TSC1: variants seen among roughly 807,000 people sequenced by gnomAD.
The protein encoded by TSC1 is hamartin.
In TSC1, 20 loss-of-function variants were observed where a neutral mutation model predicts 124.3. That is an observed-to-expected ratio of 0.16 (90% CI 0.11 to 0.23). The LOEUF (loss-of-function observed/expected upper bound fraction) is 0.23. TSC1 is among the 10% of genes least tolerant of loss of function. The pLI is 1.00. For missense variants in TSC1, 1,124 were observed against 1,448.5 expected, an observed-to-expected ratio of 0.78 and a Z score of 3.64; for synonymous variants, 493 against 539.1, an observed-to-expected ratio of 0.91 and a Z score of 1.19.
intron 19 of TSC1, 78 bp downstream of exon 19, chr9:132,901,511 A>G: frequency 1.5e-6 from 2 of 1,331,280 alleles, no homozygotes; most frequent in African/African-American, 1.4e-5. Flanking sequence ...CAAGTAATCT[A>G]TTTCTTTAAC....
chr9:132,914,703 C>CAA (rs11334240), intron 8 of TSC1, among the ~76,000 whole-genome samples: 8,192 of 114,168 alleles, frequency 0.072, 311 homozygotes, highest in Non-Finnish European at 0.11. Context: ...AAAAAAAATA[C>CAA]AAAAAAAAAA....
intron 2 of TSC1, among the ~76,000 whole-genome samples, chr9:132,932,615 T>A (rs12552999): frequency 1.3e-5 from 2 of 152,166 alleles, no homozygotes; most frequent in African/African-American, 4.8e-5. Context: ...AACTCATGAG[T>A]AGCCTACAAG....
chr9:132,905,975 G>A lies in TSC1; in HGVS notation c.1603C>T (p.Pro535Ser), dbSNP rs1235168127. ...AGCTTGTCCAGGGAGGAGTGTAAAG[G>A]CTCAGGGTTCACGCTGGCGCCCTGA... ...SSQGASVNPE[P>S]LHSSLDKLGP... Residue 535 changes from proline to serine, a missense_variant, in exon 15 of 23, where the codon CCT becomes TCT. Pro to Ser is a moderately conservative substitution (Grantham distance 74). Around this residue, in one of 5 missense-constraint regions of TSC1, gnomAD observed 321 missense variants for 397.4 expected, o/e 0.81. Coordinates refer to ENST00000298552, the MANE Select transcript of TSC1 (RefSeq NM_000368.5). 6.2e-7 allele frequency: 1 copy of A among 1,614,138 alleles called. No homozygotes were observed. The highest frequency in any genetic ancestry group is 8.5e-7 in the Non-Finnish European group (1 of 1,180,022).
In TSC1 at chr9:132,896,700, C is replaced by T. The variant is rs118203741; in HGVS notation, c.3030G>A (p.Glu1010=). The change falls in exon 23 of 23, where the codon GAG becomes GAA. Residue 1010 remains glutamate, a synonymous_variant. Transcript: ENST00000298552. The surrounding 1 kb of genome is among the most constrained non-coding windows in gnomAD (Gnocchi z 4.5). ...CSDSMVGHNE[E]ASGHNGETKT... ...TGGTCTCACCGTTGTGGCCAGATGC[C>T]TCTTCATTGTGCCCTACCATGGAAT... 1 of 1,614,018 alleles carries T rather than the reference C, an allele frequency of 6.2e-7. No homozygotes were observed. The highest frequency in any genetic ancestry group is 8.5e-7 in the Non-Finnish European group (1 of 1,180,026).
intron 8 of TSC1, among the ~76,000 whole-genome samples, chr9:132,914,260 G>A (rs1324847467): frequency 6.6e-6 from 1 of 151,972 alleles, no homozygotes; most frequent in East Asian, 1.9e-4. Flanking sequence ...TCACTTCTAA[G>A]AATTTATCCT....
intron 3 of TSC1, among the ~76,000 whole-genome samples, 179 bp downstream of exon 3, chr9:132,928,588 G>C (rs1847017881): frequency 6.6e-6 from 1 of 152,166 alleles, no homozygotes; most frequent in African/African-American, 2.4e-5. Context: ...TACTTCATGT[G>C]TGTGCATACT....
rs1845486422 is a variant in TSC1 at position 132,903,500 on chromosome 9, A to G, written c.2208+151T>C. 8 of 1,043,180 alleles carry G rather than the reference A, an allele frequency of 7.7e-6. No homozygotes were observed. The Admixed American group carries it at 1.5e-4, about 20-fold the overall frequency. The allele number at this position is 1,043,180 out of a possible 1,614,324, so 64.6% of individuals were successfully genotyped here. A position where few individuals can be genotyped will look rare whatever the true frequency, so the allele number is the denominator to read the frequency against. ...AATTATGAGGGAATTCCGAGGTGTCACCATTCATGTCTTAATCTCAAGCGA... is the reference window on the plus strand; with the variant it reads ...AATTATGAGGGAATTCCGAGGTGTCGCCATTCATGTCTTAATCTCAAGCGA... On this transcript the variant is annotated intron_variant, in intron 17 of 22. Transcript: ENST00000298552. The surrounding 1 kb of genome is among the most constrained non-coding windows in gnomAD (Gnocchi z 5.9).
At chr9:132,939,321 G>A (rs978986339) in intron 1 of TSC1, 1 of 152,254 alleles carries the variant, frequency 6.6e-6, no homozygotes, top group Non-Finnish European at 1.5e-5. Flanking sequence ...CTTACTATGT[G>A]AGAGTAAAAC....
In TSC1 at chr9:132,892,239, G is replaced by A. The variant is rs555515069; in HGVS notation, c.*3996C>T. The A allele has an allele frequency of 1.2e-4, 27 of 233,338 alleles. No homozygotes were observed. Among genetic ancestry groups the A allele is most frequent in the South Asian group, 5.4e-4 (3 of 5,530 alleles). 14.5% of individuals were successfully genotyped at this position (233,338 alleles called of 1,614,324 possible). A position where few individuals can be genotyped will look rare whatever the true frequency, so the allele number is the denominator to read the frequency against. ...AGCAGCAGCCTAGGGGCCAGTCCTC[G>A]ACCTAAACTTGTTCTTTCACCTACA... On this transcript the variant is annotated 3_prime_UTR_variant, in exon 23 of 23. Coordinates refer to ENST00000298552, the MANE Select transcript of TSC1 (RefSeq NM_000368.5).
intron 2 of TSC1, among the ~76,000 whole-genome samples, chr9:132,930,453 T>C (rs978775438): frequency 6.6e-6 from 1 of 151,844 alleles, no homozygotes; most frequent in Non-Finnish European, 1.5e-5. Flanking sequence ...GCTGGTGTGG[T>C]GGCGTGTGCC....
chr9:132,904,478 CAA>C (rs760898262), intron 15 of TSC1, 24 bp from the exon 16 acceptor site: 1 of 1,613,152 alleles, frequency 6.2e-7, no homozygotes, highest in Non-Finnish European at 8.5e-7. Flanking sequence ...TTTTGAGTAA[CAA>C]AGTTACCGAT....
intron 18 of TSC1, 78 bp from the exon 19 acceptor site, chr9:132,901,777 C>G (rs1845386026): frequency 7.5e-7 from 1 of 1,330,274 alleles, no homozygotes; most frequent in Non-Finnish European, 1.1e-6. Context: ...CACCAGCCCA[C>G]AGAGGACTGG....
In TSC1 at chr9:132,893,381, A is replaced by G. The variant is rs899761882; in HGVS notation, c.*2854T>C. On this transcript the variant is annotated 3_prime_UTR_variant, in exon 23 of 23. Transcript: ENST00000298552. ...ATGACCACGTGTTTCTTCCAATCCCATAATAACAATTTTTATAGACTGTAT... is the reference window on the plus strand; with the variant it reads ...ATGACCACGTGTTTCTTCCAATCCCGTAATAACAATTTTTATAGACTGTAT... 54 of 233,074 alleles carry G rather than the reference A, an allele frequency of 2.3e-4. No homozygotes were observed. The Admixed American group carries it at 2.5e-3, about 11-fold the overall frequency. 14.4% of individuals were successfully genotyped at this position (233,074 alleles called of 1,614,324 possible).
chr9:132,912,265 C>A lies in TSC1; in HGVS notation c.913+17G>T, dbSNP rs762571446. The A allele has an allele frequency of 1.2e-6, 2 of 1,613,914 alleles. No homozygotes were observed. The highest frequency in any genetic ancestry group is 2.2e-5 in the South Asian group (2 of 91,064). ...GACAAAGTTGCAAAACAGATAAGTA[C>A]CAAAGACACTTTTTACCATAGCTAT... On this transcript the variant is annotated intron_variant, in intron 9 of 22. Transcript: ENST00000298552.
intron 8 of TSC1, among the ~76,000 whole-genome samples, chr9:132,914,661 A>T (rs1342732000): frequency 6.7e-6 from 1 of 150,362 alleles, no homozygotes; most frequent in Non-Finnish European, 1.5e-5. Flanking sequence ...GTTCGAGACC[A>T]GCATGGGCAA....
At chr9:132,931,761 G>C (rs569161565) in intron 2 of TSC1, among the ~76,000 whole-genome samples, 8 of 152,214 alleles carry the variant, frequency 5.3e-5, no homozygotes, top group Non-Finnish European at 8.8e-5. Context: ...GTGTTAAGCA[G>C]GTAAAACAGA....
At chr9:132,911,260 C>T in intron 10 of TSC1, 147 bp from the exon 11 acceptor site, 2 of 831,536 alleles carry the variant, frequency 2.4e-6, no homozygotes, top group Non-Finnish European at 2.1e-6. Flanking sequence ...AAACAAGTTG[C>T]ATTTTGTAAA....
Position 132,906,245 on chromosome 9 carries a change from A to T in TSC1, c.1439-106T>A. On this transcript the variant is annotated intron_variant, in intron 14 of 22. Coordinates refer to ENST00000298552, the MANE Select transcript of TSC1 (RefSeq NM_000368.5). This position sits in a 1 kb window ranked among gnomAD's most constrained non-coding sequence, Gnocchi z 4.1. ...CCACATGCCAGTGTCACTCAGAGAG[A>T]GGAGAAAAAGTGGCATCCGGCTGGA... The T allele has an allele frequency of 1.5e-6, 2 of 1,327,504 alleles. No individual in the cohort carries two copies. Among genetic ancestry groups the T allele is most frequent in the Non-Finnish European group, 2.1e-6 (2 of 950,326 alleles). 82.2% of individuals were successfully genotyped at this position (1,327,504 alleles called of 1,614,324 possible).
intron 5 of TSC1, 104 bp downstream of exon 5, chr9:132,925,483 T>TA: frequency 6.8e-7 from 1 of 1,466,504 alleles, no homozygotes. Context: ...TAGAAGGTTT[T>TA]AAACTCTAAA....
Sources: allele counts gnomAD v4.1 joint callset (sites outside exome capture counted in the v4.1 genomes callset), GRCh38; gene constraint gnomAD v4.1.1; regional missense constraint gnomAD v4.1.1; non-coding constraint Gnocchi (gnomAD v3.1); transcripts MANE v1.5; gene names NCBI Gene and HGNC (gene_info 2026-07-23, HGNC 2026-07-21).